The following CLECL1 variants were observed in gnomAD, a reference collection of about 807,000 sequenced individuals.
CLECL1 encodes C-type lectin-like domain family 1.
the CLECL1 span, among the ~76,000 whole-genome samples, chr12:9,707,932 C>T: frequency 6.6e-6 from 1 of 152,214 alleles, no homozygotes; most frequent in Non-Finnish European, 1.5e-5. Flanking sequence ...GCAAGTCAGA[C>T]CAATTGTTCC....
downstream of CLECL1, among the ~76,000 whole-genome samples, chr12:9,714,087 G>A (rs1231754330): frequency 6.6e-6 from 1 of 152,112 alleles, no homozygotes; most frequent in Non-Finnish European, 1.5e-5. Context: ...TCTCTTGCCA[G>A]GCAAAAACAG....
At chr12:9,709,530 C>T in the CLECL1 span, among the ~76,000 whole-genome samples, 1 of 152,194 alleles carries the variant, frequency 6.6e-6, no homozygotes, top group Admixed American at 6.5e-5. Flanking sequence ...CAGAATTTCA[C>T]CCAAATATTT....
At chr12:9,732,997 T>G in exon 1 of CLECL1, 1 of 1,613,926 alleles carries the variant, frequency 6.2e-7, no homozygotes, top group Admixed American at 1.7e-5. Flanking sequence ...GTCCGAACAG[T>G]TTTGATGTCA....
At chr12:9,730,427 GA>G (rs1866433494) in intron 1 of CLECL1, among the ~76,000 whole-genome samples, 1 of 152,178 alleles carries the variant, frequency 6.6e-6, no homozygotes, top group South Asian at 2.1e-4. Flanking sequence ...AGAAAGTACT[GA>G]AAATAGCTGA....
chr12:9,722,582 G>C, downstream of CLECL1: 1 of 1,532,726 alleles, frequency 6.5e-7, no homozygotes, highest in Non-Finnish European at 8.8e-7. Context: ...TGCCAAGTTT[G>C]TAGCACAAAA....
At chr12:9,713,167 A>G (rs146833665), downstream of CLECL1, among the ~76,000 whole-genome samples, 8 of 152,326 alleles carry the variant, frequency 5.3e-5, no homozygotes, top group African/African-American at 1.9e-4. Context: ...TCAGAGAGAA[A>G]CAGAACAGGG....
chr12:9,725,994 C>T (rs1866374522), intron 3 of CLECL1, among the ~76,000 whole-genome samples: 1 of 152,020 alleles, frequency 6.6e-6, no homozygotes, highest in Admixed American at 6.6e-5. Context: ...GGCTTCAAGA[C>T]ATCCAAATCA....
the CLECL1 span, among the ~76,000 whole-genome samples, chr12:9,703,176 T>C: frequency 6.6e-6 from 1 of 152,162 alleles, no homozygotes; most frequent in African/African-American, 2.4e-5. Flanking sequence ...GCTACTAAAT[T>C]GAATAGAGTA....
downstream of CLECL1, chr12:9,722,586 C>G (rs2121048910): frequency 1.3e-6 from 2 of 1,532,178 alleles, no homozygotes; most frequent in Non-Finnish European, 1.8e-6. Context: ...AAGTTTGTAG[C>G]ACAAAAAATT....
At chr12:9,732,280 C>A (rs2121069189) in intron 1 of CLECL1, among the ~76,000 whole-genome samples, 1 of 152,210 alleles carries the variant, frequency 6.6e-6, no homozygotes, top group East Asian at 1.9e-4. Context: ...TACCCTAGAG[C>A]AGAGAATGGA....
chr12:9,732,352 A>C (rs899947415), intron 1 of CLECL1, among the ~76,000 whole-genome samples: 3 of 152,256 alleles, frequency 2.0e-5, no homozygotes, highest in Non-Finnish European at 4.4e-5. Flanking sequence ...ACTGGCTATG[A>C]AAATCTATAA....
intron 1 of CLECL1, 78 bp downstream of exon 1, chr12:9,732,871 A>C: frequency 8.3e-7 from 1 of 1,202,474 alleles, no homozygotes; most frequent in Non-Finnish European, 1.2e-6. Context: ...TCAGTTTGGC[A>C]ATTAGATACA....
chr12:9,709,986 C>T, the CLECL1 span, among the ~76,000 whole-genome samples: 1 of 152,168 alleles, frequency 6.6e-6, no homozygotes, highest in Non-Finnish European at 1.5e-5. Context: ...ACCCCACAAA[C>T]CCTAGAATTC....
chr12:9,729,746 G>A (rs1866423729), intron 1 of CLECL1, among the ~76,000 whole-genome samples: 1 of 151,862 alleles, frequency 6.6e-6, no homozygotes, highest in African/African-American at 2.4e-5. Flanking sequence ...GGTAGGAGAG[G>A]GCCAAATAAA....
At chr12:9,719,203 C>T (rs994719524), downstream of CLECL1, among the ~76,000 whole-genome samples, 7 of 152,056 alleles carry the variant, frequency 4.6e-5, no homozygotes, top group African/African-American at 9.7e-5. Flanking sequence ...ATGAGGGTGC[C>T]GTGGGAGGAA....
intron 1 of CLECL1, 97 bp downstream of exon 1, chr12:9,732,852 C>T (rs1866463686): frequency 9.9e-7 from 1 of 1,006,108 alleles, no homozygotes; most frequent in East Asian, 2.4e-5. Context: ...TGAATCCAAT[C>T]TCCTCTTTTC....
At chr12:9,720,070 G>A (rs376191412), downstream of CLECL1, among the ~76,000 whole-genome samples, 399 of 152,274 alleles carry the variant, frequency 2.6e-3, 1 homozygote, top group African/African-American at 8.3e-3. Context: ...TAGGCACTGA[G>A]TGAGTGCCTG....
At chr12:9,710,706 A>G in the CLECL1 span, among the ~76,000 whole-genome samples, 1 of 152,166 alleles carries the variant, frequency 6.6e-6, no homozygotes, top group African/African-American at 2.4e-5. Flanking sequence ...AGAGGAACAC[A>G]TAGGTGGCTG....
chr12:9,704,072 A>G, the CLECL1 span: 3 of 152,200 alleles, frequency 2.0e-5, no homozygotes, highest in South Asian at 2.1e-4. Context: ...ATGTGTTAAC[A>G]TTTATTTTCA....
Sources: gnomAD v4.1 joint callset for allele counts (sites outside exome capture counted in the v4.1 genomes callset) on GRCh38, gnomAD v4.1.1 for gene constraint, MANE v1.5 for transcripts, NCBI Gene and HGNC (gene_info 2026-07-23, HGNC 2026-07-21) for gene names.